HECW2: variants seen among roughly 807,000 people sequenced by gnomAD.
HECW2 encodes the protein E3 ubiquitin-protein ligase HECW2.
In HECW2, 61 loss-of-function variants were observed where a neutral mutation model predicts 175.2. The ratio of observed to expected loss-of-function variants is 0.35; its 90% confidence interval spans 0.28 to 0.43. The LOEUF (loss-of-function observed/expected upper bound fraction) is 0.43, where lower values mean the gene tolerates loss of function less well. Among genes scored for constraint, HECW2 ranks in the 20% least tolerant of loss-of-function variants. HECW2 has a pLI of 1.00. For missense variants in HECW2, 1,524 were observed against 2,000.5 expected (o/e 0.76, Z 4.54); for synonymous variants, 671 against 731.0 (o/e 0.92, Z 1.32).
intron 1 of HECW2, among the ~76,000 whole-genome samples, chr2:196,495,882 T>C (rs916404581): frequency 3.9e-5 from 6 of 152,122 alleles, no homozygotes; most frequent in African/African-American, 7.2e-5. Context: ...TAGTTCATGA[T>C]GGTGAGCAGT....
intron 1 of HECW2, among the ~76,000 whole-genome samples, chr2:196,456,369 A>G (rs145385324): frequency 1.3e-5 from 2 of 152,368 alleles, no homozygotes; most frequent in Non-Finnish European, 2.9e-5. Flanking sequence ...AGCCTTATAT[A>G]CATTATCTCC....
chr2:196,434,051 T>C (rs1575537593), intron 1 of HECW2, among the ~76,000 whole-genome samples: 2 of 151,972 alleles, frequency 1.3e-5, no homozygotes. Flanking sequence ...TCTTGATTTT[T>C]CTCTATAGCA....
At chr2:196,216,837 A>G (rs1453992661) in intron 27 of HECW2, among the ~76,000 whole-genome samples, 171 bp downstream of exon 27, 2 of 152,182 alleles carry the variant, frequency 1.3e-5, no homozygotes, top group Admixed American at 6.5e-5. Context: ...GAAGTTCTGA[A>G]TAGCCATGGA....
At chr2:196,529,149 T>G (rs1052855614) in intron 1 of HECW2, among the ~76,000 whole-genome samples, 3 of 152,236 alleles carry the variant, frequency 2.0e-5, no homozygotes, top group African/African-American at 7.2e-5. Context: ...TGTTCTGGTA[T>G]TCCAGAGCAA....
At chr2:196,244,465 C>T (rs1688574213) in intron 19 of HECW2, among the ~76,000 whole-genome samples, 1 of 152,134 alleles carries the variant, frequency 6.6e-6, no homozygotes, top group South Asian at 2.1e-4. Flanking sequence ...CTTGCATTTC[C>T]TTGGGGATCC....
chr2:196,451,814 C>T (rs1477731025), intron 1 of HECW2, among the ~76,000 whole-genome samples: 2 of 152,040 alleles, frequency 1.3e-5, no homozygotes, highest in Non-Finnish European at 1.5e-5. Context: ...TGGGAGGATC[C>T]CTTGAACCCA....
intron 26 of HECW2, 23 bp downstream of exon 26, chr2:196,220,016 G>T (rs1389033131): frequency 2.1e-6 from 3 of 1,410,066 alleles, no homozygotes; most frequent in Non-Finnish European, 3.0e-6. Context: ...TTAAAATCTA[G>T]CCATCTATAA....
intron 12 of HECW2, 133 bp from the exon 13 acceptor site, chr2:196,306,745 G>T: frequency 2.2e-6 from 2 of 902,054 alleles, no homozygotes; most frequent in Non-Finnish European, 3.1e-6. Flanking sequence ...ATCCCCCAAT[G>T]CTTTTTTCTT....
intron 27 of HECW2, among the ~76,000 whole-genome samples, chr2:196,216,349 A>G (rs773731486): frequency 4.6e-5 from 7 of 152,296 alleles, no homozygotes; most frequent in Admixed American, 1.3e-4. Flanking sequence ...TGAATTTAAA[A>G]AAGAGAATGT....
chr2:196,420,720 T>G (rs1442770203), intron 2 of HECW2, among the ~76,000 whole-genome samples: 1 of 152,208 alleles, frequency 6.6e-6, no homozygotes, highest in Non-Finnish European at 1.5e-5. Context: ...TGTACTCTGG[T>G]GCTGCTGATT....
intron 1 of HECW2, among the ~76,000 whole-genome samples, chr2:196,567,410 T>C (rs1318712097): frequency 6.6e-6 from 1 of 152,166 alleles, no homozygotes; most frequent in Admixed American, 6.5e-5. Context: ...GTGCTGATGT[T>C]ACATAAATAT....
rs1434484107 is a variant in HECW2, at chr2:196,318,748, ACTGGGCAC to A, written c.2134_2141del (p.Val712TrpfsTer4). The A allele has an allele frequency of 6.5e-7, 1 of 1,530,664 alleles. No individual in the cohort carries two copies. The highest frequency in any genetic ancestry group is 8.8e-7 in the Non-Finnish European group (1 of 1,138,628). 94.8% of individuals were successfully genotyped at this position (1,530,664 alleles called of 1,614,324 possible). A position where few individuals can be genotyped will look rare whatever the true frequency, so the allele number is the denominator to read the frequency against. On this transcript the variant is annotated frameshift_variant, in exon 9 of 29. Transcript: ENST00000644978. LOFTEE classifies it high-confidence loss of function. ...CTGCCCCTGGCCCTTCATCCTCCCC[ACTGGGCAC>A]CTGTACCACAGGTAAAGAACCAGCA...
At chr2:196,566,865 G>C (rs1690209339) in intron 1 of HECW2, among the ~76,000 whole-genome samples, 1 of 152,022 alleles carries the variant, frequency 6.6e-6, no homozygotes, top group African/African-American at 2.4e-5. Context: ...CTCTGAGGTA[G>C]ATAAAATTAT....
rs139862071 is a variant in HECW2, at chr2:196,197,220, C to T, written c.*4057G>A. The T allele has an allele frequency of 1.1e-4, 17 of 151,902 alleles. No individual in the cohort carries two copies. The highest frequency in any genetic ancestry group is 2.1e-4 in the Non-Finnish European group (14 of 67,970). The allele number at this position is 151,902 out of a possible 1,614,324, so 9.4% of individuals were successfully genotyped here. On this transcript the variant is annotated 3_prime_UTR_variant, in exon 29 of 29. Coordinates refer to ENST00000644978, the MANE Select transcript of HECW2 (RefSeq NM_001348768.2). ...GGCATTGCATCATTTCACATAAATA[C>T]GGAGTTTCCTGAATAAGGTTAAATT...
At chr2:196,444,668 T>G (rs1483258504) in intron 1 of HECW2, among the ~76,000 whole-genome samples, 1 of 152,086 alleles carries the variant, frequency 6.6e-6, no homozygotes, top group Non-Finnish European at 1.5e-5. Flanking sequence ...TAAAAAGCCA[T>G]GATGGAAGTG....
intron 23 of HECW2, among the ~76,000 whole-genome samples, chr2:196,224,709 C>T (rs1687787536): frequency 6.6e-6 from 1 of 152,010 alleles, no homozygotes; most frequent in Non-Finnish European, 1.5e-5. Flanking sequence ...GGAAAGAAAC[C>T]AGGCTGAAGT....
chr2:196,278,378 T>A, intron 15 of HECW2, 150 bp downstream of exon 15: 1 of 808,570 alleles, frequency 1.2e-6, no homozygotes, highest in Non-Finnish European at 1.9e-6. Context: ...AGAAGCCCTG[T>A]CAACATTCGA....
chr2:196,327,359 T>C (rs1228837245), intron 5 of HECW2, among the ~76,000 whole-genome samples: 4 of 152,230 alleles, frequency 2.6e-5, no homozygotes, highest in Non-Finnish European at 4.4e-5. Flanking sequence ...ATCCATCTCA[T>C]TTCTGATCTT....
At chr2:196,278,131 AAAAT>A (rs745378127) in intron 15 of HECW2, among the ~76,000 whole-genome samples, 1,488 of 29,032 alleles carry the variant, frequency 0.051, 356 homozygotes, top group East Asian at 0.22. Context: ...GTATAATTAA[AAAAT>A]ATATATATAT....
Sources: gnomAD v4.1 joint callset for allele counts (sites outside exome capture counted in the v4.1 genomes callset) on GRCh38, gnomAD v4.1.1 for gene constraint, MANE v1.5 for transcripts, NCBI Gene and HGNC (gene_info 2026-07-23, HGNC 2026-07-21) for gene names.